Variants in INTS8 observed in about 807,000 individuals in gnomAD.
INTS8 encodes protein kaonashi-1.
In INTS8, 47 loss-of-function variants were observed where a neutral mutation model predicts 138.9. That is an observed-to-expected ratio of 0.34 (90% CI 0.27 to 0.43). The LOEUF (loss-of-function observed/expected upper bound fraction) is 0.43. INTS8 is among the 20% of genes least tolerant of loss of function. The probability of loss-of-function intolerance (pLI) is 1.00; values close to 1 mark genes in which losing one functional copy is unlikely to be tolerated. For synonymous variants in INTS8, 392 were observed against 400.9 expected (o/e 0.98, Z 0.27); for missense variants, 996 against 1,173.0 (o/e 0.85, Z 2.20).
intron 10 of INTS8, among the ~76,000 whole-genome samples, chr8:94,845,786 A>G (rs752688920): frequency 1.2e-4 from 19 of 152,328 alleles, no homozygotes; most frequent in South Asian, 8.3e-4. Flanking sequence ...ATGTGTCAAC[A>G]TTAGACTCAG....
At chr8:94,837,170 T>C (rs1454304819) in intron 7 of INTS8, among the ~76,000 whole-genome samples, 1 of 152,230 alleles carries the variant, frequency 6.6e-6, no homozygotes, top group African/African-American at 2.4e-5. Flanking sequence ...AGTGAGTGTT[T>C]AACAAATTTT....
At chr8:94,867,020 A>G in intron 18 of INTS8, 120 bp from the exon 19 acceptor site, 2 of 769,454 alleles carry the variant, frequency 2.6e-6, no homozygotes, top group African/African-American at 3.5e-5. Context: ...GCTAAAACAG[A>G]TGCTACATTT....
At chr8:94,828,859 C>G (rs1166091647) in intron 4 of INTS8, 116 bp from the exon 5 acceptor site, 6 of 684,622 alleles carry the variant, frequency 8.8e-6, no homozygotes, top group Admixed American at 2.7e-5. Context: ...AAATGAATAA[C>G]ATTAAAAACA....
intron 26 of INTS8, among the ~76,000 whole-genome samples, chr8:94,878,655 T>G (rs1278411996): frequency 1.3e-5 from 2 of 152,168 alleles, no homozygotes; most frequent in African/African-American, 2.4e-5. Context: ...TAATACAAGT[T>G]TTTGTTGTCT....
intron 11 of INTS8, 72 bp downstream of exon 11, chr8:94,849,604 AT>A: frequency 1.1e-6 from 1 of 923,958 alleles, no homozygotes; most frequent in South Asian, 1.5e-5. Context: ...AAATATCTGT[AT>A]TATCTTTTGT....
rs1230052730 is a variant in INTS8 at position 94,881,482 on chromosome 8, T to TGTAA, written c.*1251_*1254dup. On this transcript the variant is annotated 3_prime_UTR_variant, in exon 27 of 27. Coordinates refer to ENST00000523731, the MANE Select transcript of INTS8 (RefSeq NM_017864.4). ...ATTAAATGTATTCTTTAGTGCCAAT[T>TGTAA]GTAAGTTTTAAAATCAGAATGGCAG... is the stretch of plus-strand genomic sequence containing the variant. 40 of 681,540 alleles carry TGTAA rather than the reference T, an allele frequency of 5.9e-5. No individual in the cohort carries two copies. The highest frequency in any genetic ancestry group is 8.1e-5 in the East Asian group (3 of 37,266). 42.2% of individuals were successfully genotyped at this position (681,540 alleles called of 1,614,324 possible). A position where few individuals can be genotyped will look rare whatever the true frequency, so the allele number is the denominator to read the frequency against.
At chr8:94,863,894 A>G (rs911202928) in intron 16 of INTS8, among the ~76,000 whole-genome samples, 1 of 152,176 alleles carries the variant, frequency 6.6e-6, no homozygotes, top group Non-Finnish European at 1.5e-5. Context: ...CTGCTAGGCC[A>G]TTGGTCCATG....
intron 22 of INTS8, 185 bp downstream of exon 22, chr8:94,873,662 TC>T: frequency 1.9e-6 from 1 of 537,256 alleles, no homozygotes; most frequent in Middle Eastern, 4.2e-4. Context: ...CTGTCTTGAT[TC>T]CCCCAAAACA....
chr8:94,835,570 G>A (rs952050692), intron 6 of INTS8, among the ~76,000 whole-genome samples: 3 of 151,466 alleles, frequency 2.0e-5, no homozygotes, highest in Admixed American at 6.6e-5. Context: ...GAAAATTCCC[G>A]ATCTTTTCAG....
In INTS8 at chr8:94,851,679, C is replaced by G. The variant is rs762390118; in HGVS notation, c.1634C>G (p.Ser545Cys). The G allele has an allele frequency of 3.1e-6, 5 of 1,587,430 alleles. No homozygotes were observed. The highest frequency in any genetic ancestry group is 4.3e-6 in the Non-Finnish European group (5 of 1,172,054). The stretch of plus-strand genomic sequence containing the variant: ...TCAGAGCGCCAGTTCTGGACAGTGT[C>G]TAATAAGGTAAACCCTATGTCAAGA... Reference protein sequence around the residue: ...MTSERQFWTVSNKWEVPSVYS... With the variant: ...MTSERQFWTVCNKWEVPSVYS... The change falls in exon 13 of 27, where the codon TCT becomes TGT. Residue 545 changes from serine (S) to cysteine (C), a missense_variant. Physicochemically the swap from Ser to Cys is moderately radical, Grantham distance 112. Coordinates refer to ENST00000523731, the MANE Select transcript of INTS8 (RefSeq NM_017864.4).
rs181913835 is a variant in INTS8 at position 94,865,956 on chromosome 8, G to A, written c.2262-202G>A. On this transcript the variant is annotated intron_variant, in intron 17 of 26. Coordinates refer to ENST00000523731, the MANE Select transcript of INTS8 (RefSeq NM_017864.4). ...GGAATTCAAAATCAGTAGTATTTAA[G>A]GTTGGATAGTATTGAAGACTTCACA... Among the ~76,000 whole-genome samples, 583 of 152,260 alleles carry A rather than the reference G, an allele frequency of 3.8e-3. 3 individuals carry two copies. The highest frequency in any genetic ancestry group is 7.0e-3 in the Admixed American group (107 of 15,290).
chr8:94,844,319 G>A (rs1033019404), intron 10 of INTS8, among the ~76,000 whole-genome samples: 1 of 151,682 alleles, frequency 6.6e-6, no homozygotes, highest in Non-Finnish European at 1.5e-5. Context: ...GATTACAGGT[G>A]TGAGCCACCG....
At chr8:94,843,151 GC>G (rs1214865328) in intron 10 of INTS8, among the ~76,000 whole-genome samples, 2 of 151,970 alleles carry the variant, frequency 1.3e-5, no homozygotes, top group African/African-American at 4.8e-5. Context: ...TCTTTAATTT[GC>G]CTATTTTGAA....
intron 20 of INTS8, among the ~76,000 whole-genome samples, chr8:94,871,334 T>C (rs992330443): frequency 2.0e-5 from 3 of 149,274 alleles, no homozygotes; most frequent in African/African-American, 7.4e-5. Context: ...AAAAATTAGC[T>C]GGGTGTGGTG....
In INTS8 at chr8:94,880,569, T is replaced by C. The variant is rs1460268742; in HGVS notation, c.*335T>C. ...AAATAGCTAGCCTATGTACAGCAAG[T>C]TTTCATGTCTTTTTTTAATAAATAG... On this transcript the variant is annotated 3_prime_UTR_variant, in exon 27 of 27. Coordinates refer to ENST00000523731, the MANE Select transcript of INTS8 (RefSeq NM_017864.4). 3.1e-6 allele frequency: 1 copy of C among 320,456 alleles called. No homozygotes were observed. Among genetic ancestry groups the C allele is most frequent in the African/African-American group, 2.1e-5 (1 of 47,152 alleles). 19.9% of individuals were successfully genotyped at this position (320,456 alleles called of 1,614,324 possible).
At chr8:94,860,742 C>G (rs1350648116) in intron 16 of INTS8, among the ~76,000 whole-genome samples, 1 of 151,822 alleles carries the variant, frequency 6.6e-6, no homozygotes, top group Non-Finnish European at 1.5e-5. Flanking sequence ...TTTGTCCCAA[C>G]TTGTCTTTGG....
chr8:94,868,383 A>G (rs1816261041), intron 20 of INTS8, among the ~76,000 whole-genome samples: 1 of 152,174 alleles, frequency 6.6e-6, no homozygotes, highest in Non-Finnish European at 1.5e-5. Context: ...CAAGCTGATA[A>G]TAGAATAATA....
At chr8:94,864,051 T>A (rs2071980078) in intron 16 of INTS8, among the ~76,000 whole-genome samples, 1 of 152,226 alleles carries the variant, frequency 6.6e-6, no homozygotes, top group Non-Finnish European at 1.5e-5. Context: ...TATGTGGAAG[T>A]ATTTAGGGAT....
chr8:94,874,834 AT>A (rs1816518188), intron 23 of INTS8, among the ~76,000 whole-genome samples: 1 of 152,156 alleles, frequency 6.6e-6, no homozygotes, highest in South Asian at 2.1e-4. Flanking sequence ...GGAAAAAAGC[AT>A]TTTTCAGGTT....
Sources: allele counts gnomAD v4.1 joint callset (sites outside exome capture counted in the v4.1 genomes callset), GRCh38; gene constraint gnomAD v4.1.1; transcripts MANE v1.5; gene names NCBI Gene and HGNC (gene_info 2026-07-23, HGNC 2026-07-21).